Variants in CPA6 observed in about 807,000 individuals in gnomAD.
CPA6 encodes carboxypeptidase B.
In CPA6, 58 loss-of-function variants were observed where a neutral mutation model predicts 63.3. The ratio of observed to expected loss-of-function variants is 0.92; its 90% CI spans 0.74 to 1.14. The LOEUF is 1.14. Among genes scored for constraint, CPA6 ranks in the 50% most tolerant of loss-of-function variants. The probability of loss-of-function intolerance (pLI) is 0.00; values close to 1 mark genes in which losing one functional copy is unlikely to be tolerated. For missense variants in CPA6, 565 were observed against 526.6 expected, an observed-to-expected ratio of 1.07 and a Z score of -0.71; for synonymous variants, 185 against 179.0, an observed-to-expected ratio of 1.03 and a Z score of -0.27.
intron 2 of CPA6, among the ~76,000 whole-genome samples, chr8:67,522,926 C>G (rs1053211400): frequency 2.0e-5 from 3 of 152,214 alleles, no homozygotes; most frequent in Non-Finnish European, 2.9e-5. Flanking sequence ...GCAGAGGTCA[C>G]AGTGGCTGCA....
rs947353401 is a variant in CPA6 at position 67,432,200 on chromosome 8, C to G, written c.1041+1838G>C. 1.3e-4 allele frequency among the ~76,000 whole-genome samples: 20 copies of G among 152,134 alleles called. 2 individuals carry two copies. Among genetic ancestry groups the G allele is most frequent in the Admixed American group, 1.2e-3 (19 of 15,268 alleles). ...GATTAGAGAGTTGGAACTTTTAGCT[C>G]CATCCTTCACCCTCTGAGGAGGAGA... is the stretch of plus-strand genomic sequence containing the variant. On this transcript the variant is annotated intron_variant, in intron 9 of 10. Coordinates refer to ENST00000297770, the MANE Select transcript of CPA6 (RefSeq NM_020361.5).
rs552041509 is a variant in CPA6, at chr8:67,455,663, C to CAAAA, written c.839-21427_839-21424dup. Among the ~76,000 whole-genome samples the CAAAA allele has an allele frequency of 4.3e-3, 130 of 30,272 alleles. 2 individuals carry two copies. The highest frequency in any genetic ancestry group is 0.014 in the East Asian group (11 of 774). The allele number at this position is 30,272 out of a possible 152,430, so 19.9% of individuals were successfully genotyped here. A position where few individuals can be genotyped will look rare whatever the true frequency, so the allele number is the denominator to read the frequency against. The stretch of plus-strand genomic sequence containing the variant: ...TAGTGAAGCCCCTTCTCTACAAAAG[C>CAAAA]AAAAAAAAAAAAAAAAAAAAAAAAA... On this transcript the variant is annotated intron_variant, in intron 8 of 10. Transcript: ENST00000297770.
chr8:67,699,864 C>A (rs1454696187), intron 1 of CPA6, among the ~76,000 whole-genome samples: 1 of 152,200 alleles, frequency 6.6e-6, no homozygotes, highest in African/African-American at 2.4e-5. Context: ...GTTAGGATTA[C>A]AGGCGTGAGC....
At chr8:67,489,977 C>G (rs1299115660) in intron 6 of CPA6, among the ~76,000 whole-genome samples, 5 of 152,112 alleles carry the variant, frequency 3.3e-5, no homozygotes, top group Non-Finnish European at 1.5e-5. Flanking sequence ...CTTCCTCTGA[C>G]AAACAAGCAG....
At chr8:67,725,171 CTTGT>C (rs1270292806) in intron 1 of CPA6, among the ~76,000 whole-genome samples, 1 of 152,120 alleles carries the variant, frequency 6.6e-6, no homozygotes, top group Non-Finnish European at 1.5e-5. Flanking sequence ...ACCACAGTAT[CTTGT>C]TTATTTATAT....
chr8:67,626,643 A>G (rs1815200607), intron 1 of CPA6, among the ~76,000 whole-genome samples: 1 of 152,282 alleles, frequency 6.6e-6, no homozygotes, highest in Non-Finnish European at 1.5e-5. Context: ...TCTGATATAC[A>G]TTTCTCTGAC....
chr8:67,428,163 T>C (rs985637159), intron 9 of CPA6, 32 bp from the exon 10 acceptor site: 4 of 1,368,792 alleles, frequency 2.9e-6, no homozygotes, highest in Non-Finnish European at 4.2e-6. Flanking sequence ...TTTTATATAT[T>C]GTTGCATTGA....
intron 8 of CPA6, among the ~76,000 whole-genome samples, chr8:67,437,886 C>T (rs1810197101): frequency 6.6e-6 from 1 of 151,004 alleles, no homozygotes; most frequent in South Asian, 2.1e-4. Flanking sequence ...ATTTGAAGAA[C>T]TGCTAATTAA....
chr8:67,595,986 G>A (rs1469943314), intron 2 of CPA6, among the ~76,000 whole-genome samples: 1 of 152,230 alleles, frequency 6.6e-6, no homozygotes, highest in Non-Finnish European at 1.5e-5. Context: ...CGCTCACGCT[G>A]GGAGCTGTAG....
chr8:67,463,779 G>T (rs1379297092), intron 8 of CPA6, among the ~76,000 whole-genome samples: 1 of 152,096 alleles, frequency 6.6e-6, no homozygotes, highest in Non-Finnish European at 1.5e-5. Flanking sequence ...GTGGTATTTG[G>T]GTTTCTGTTC....
chr8:67,493,134 A>G (rs779218757), intron 6 of CPA6, among the ~76,000 whole-genome samples: 4 of 152,186 alleles, frequency 2.6e-5, no homozygotes, highest in Non-Finnish European at 5.9e-5. Flanking sequence ...AACTCATTAG[A>G]TACTTGATCT....
At position 67,548,918 on chromosome 8, in the gene CPA6, G is replaced by A. The variant is rs942606908; in HGVS notation, c.193-30871C>T. Reference sequence around the variant, plus strand: ...TAGGTTTGGGTCCTGTGACCCTCGTGTCAGGGGACTAGGGACTGTGCATCC... The same window carrying A: ...TAGGTTTGGGTCCTGTGACCCTCGTATCAGGGGACTAGGGACTGTGCATCC... On this transcript the variant is annotated intron_variant, in intron 2 of 10. Transcript: ENST00000297770. 3.9e-5 allele frequency among the ~76,000 whole-genome samples: 6 copies of A among 152,340 alleles called. No homozygotes were observed. The South Asian group carries it at 1.2e-3, about 32-fold the overall frequency.
intron 1 of CPA6, among the ~76,000 whole-genome samples, chr8:67,647,383 C>T (rs1005588905): frequency 4.0e-5 from 6 of 151,312 alleles, no homozygotes; most frequent in African/African-American, 1.5e-4. Flanking sequence ...ACTATGTTGC[C>T]CAGGCTGGCC....
intron 1 of CPA6, among the ~76,000 whole-genome samples, chr8:67,741,499 A>T (rs756631097): frequency 6.6e-6 from 1 of 152,322 alleles, no homozygotes; most frequent in East Asian, 1.9e-4. Context: ...GCCGCACAGC[A>T]GGAGGTGAGT....
chr8:67,595,575 G>A (rs973934496), intron 2 of CPA6, among the ~76,000 whole-genome samples: 3 of 152,232 alleles, frequency 2.0e-5, no homozygotes, highest in African/African-American at 7.2e-5. Context: ...ACCTAAGCGA[G>A]CCTGGGCAAT....
intron 2 of CPA6, among the ~76,000 whole-genome samples, chr8:67,596,545 T>TA (rs1814341805): frequency 6.6e-6 from 1 of 151,020 alleles, no homozygotes; most frequent in African/African-American, 2.4e-5. Flanking sequence ...TTTTTTTTTT[T>TA]ACTCTACTTT....
chr8:67,636,869 T>A (rs567260331), intron 1 of CPA6, among the ~76,000 whole-genome samples: 1 of 151,702 alleles, frequency 6.6e-6, no homozygotes, highest in East Asian at 1.9e-4. Flanking sequence ...GCACTTCCTT[T>A]GTTGAAAGAT....
chr8:67,538,293 T>C (rs1261318466), intron 2 of CPA6, among the ~76,000 whole-genome samples: 1 of 152,160 alleles, frequency 6.6e-6, no homozygotes. Flanking sequence ...GGTGTTAAAG[T>C]CTCCCACTAT....
intron 1 of CPA6, among the ~76,000 whole-genome samples, chr8:67,626,596 C>A (rs1815199596): frequency 6.6e-6 from 1 of 152,120 alleles, no homozygotes; most frequent in Non-Finnish European, 1.5e-5. Flanking sequence ...CTAAATATAA[C>A]CTTTGGAATT....
Sources: allele counts gnomAD v4.1 joint callset (sites outside exome capture counted in the v4.1 genomes callset), GRCh38; gene constraint gnomAD v4.1.1; transcripts MANE v1.5; gene names NCBI Gene and HGNC (gene_info 2026-07-23, HGNC 2026-07-21).